Variants in ASIC2 observed in about 807,000 individuals in gnomAD.
The protein encoded by ASIC2 is acid-sensing ion channel 2.
ASIC2 carries 25 observed loss-of-function variants against 57.3 expected under a neutral mutation model. That is an observed-to-expected ratio of 0.44 (90% CI 0.32 to 0.61). The LOEUF is 0.61. Among genes scored for constraint, ASIC2 ranks in the 20% least tolerant of loss-of-function variants. The probability of loss-of-function intolerance (pLI) is 0.06; values close to 1 mark genes in which losing one functional copy is unlikely to be tolerated. For missense variants in ASIC2, 641 were observed against 738.1 expected, an observed-to-expected ratio of 0.87 and a Z score of 1.52; for synonymous variants, 319 against 307.5, an observed-to-expected ratio of 1.04 and a Z score of -0.39.
intron 1 of ASIC2, among the ~76,000 whole-genome samples, chr17:33,455,747 G>C (rs771842870): frequency 3.3e-5 from 5 of 152,214 alleles, no homozygotes; most frequent in African/African-American, 9.6e-5. Context: ...ACAGGTAAAT[G>C]GGGTTTCATT....
At chr17:33,016,065 G>T in intron 8 of ASIC2, 26 bp from the exon 9 acceptor site, 3 of 1,612,544 alleles carry the variant, frequency 1.9e-6, no homozygotes, top group South Asian at 1.1e-5. Flanking sequence ...GAAGGGGTTG[G>T]TCAGGCCGGG....
intron 1 of ASIC2, among the ~76,000 whole-genome samples, chr17:33,700,655 G>C (rs1459392851): frequency 2.6e-5 from 4 of 152,230 alleles, no homozygotes; most frequent in African/African-American, 9.6e-5. Flanking sequence ...TAGTAAGCAA[G>C]TAATAGATGT....
At chr17:33,282,127 G>A (rs1172413248) in intron 1 of ASIC2, among the ~76,000 whole-genome samples, 1 of 152,212 alleles carries the variant, frequency 6.6e-6, no homozygotes, top group African/African-American at 2.4e-5. Flanking sequence ...GTCTGTAATA[G>A]AAAGTGTTTT....
chr17:33,958,566 CT>C, intron 1 of ASIC2, among the ~76,000 whole-genome samples: 1 of 152,198 alleles, frequency 6.6e-6, no homozygotes, highest in East Asian at 1.9e-4. Context: ...ACCTTGGCTC[CT>C]TTTAACCATG....
intron 1 of ASIC2, among the ~76,000 whole-genome samples, chr17:33,248,624 C>T (rs894683465): frequency 1.3e-5 from 2 of 152,182 alleles, no homozygotes; most frequent in Non-Finnish European, 2.9e-5. Flanking sequence ...GTCCACACAC[C>T]CTCTGGAGGC....
At chr17:33,477,168 T>A (rs1597743297) in intron 1 of ASIC2, among the ~76,000 whole-genome samples, 3 of 152,170 alleles carry the variant, frequency 2.0e-5, no homozygotes, top group African/African-American at 7.2e-5. Flanking sequence ...CTTAAACATA[T>A]ATATACTCAG....
intron 1 of ASIC2, among the ~76,000 whole-genome samples, chr17:33,328,717 A>G (rs1167834084): frequency 6.6e-6 from 1 of 152,148 alleles, no homozygotes; most frequent in Non-Finnish European, 1.5e-5. Flanking sequence ...TGCAAGAAAA[A>G]TCAGGCCAAA....
intron 1 of ASIC2, among the ~76,000 whole-genome samples, chr17:33,988,836 G>T (rs1905912041): frequency 6.6e-6 from 1 of 151,986 alleles, no homozygotes; most frequent in Non-Finnish European, 1.5e-5. Context: ...GACAGTGACT[G>T]GTTGGGAGCA....
At chr17:33,032,180 C>A (rs2091886216) in intron 3 of ASIC2, among the ~76,000 whole-genome samples, 1 of 152,078 alleles carries the variant, frequency 6.6e-6, no homozygotes, top group Non-Finnish European at 1.5e-5. Context: ...ATTTCTAGTT[C>A]TCCTTTTGTT....
chr17:33,604,503 C>A (rs903113378), intron 1 of ASIC2, among the ~76,000 whole-genome samples: 6 of 152,072 alleles, frequency 3.9e-5, no homozygotes, highest in Admixed American at 3.9e-4. Context: ...ATGTGCACAA[C>A]GGTGGCATGG....
At chr17:33,988,613 C>T (rs1056877860) in intron 1 of ASIC2, among the ~76,000 whole-genome samples, 1 of 151,964 alleles carries the variant, frequency 6.6e-6, no homozygotes, top group Non-Finnish European at 1.5e-5. Flanking sequence ...TAAGTTGCTC[C>T]CATTCCTCTT....
chr17:34,142,045 C>T (rs1322022220), intron 1 of ASIC2, among the ~76,000 whole-genome samples: 2 of 152,098 alleles, frequency 1.3e-5, no homozygotes, highest in African/African-American at 4.8e-5. Flanking sequence ...AGCTAACAGG[C>T]CCGGGGGAAT....
At chr17:33,293,299 C>CGGGCG (rs1905584419), upstream of ASIC2, among the ~76,000 whole-genome samples, 4 of 152,034 alleles carry the variant, frequency 2.6e-5, no homozygotes, top group South Asian at 8.3e-4. Context: ...CGGCTCCGGG[C>CGGGCG]GGGCGGGGCG....
intron 1 of ASIC2, among the ~76,000 whole-genome samples, chr17:33,278,065 T>C (rs1458596194): frequency 6.6e-6 from 1 of 152,162 alleles, no homozygotes; most frequent in Non-Finnish European, 1.5e-5. Flanking sequence ...TGGAATCCTT[T>C]TTCGGATCCC....
intron 1 of ASIC2, among the ~76,000 whole-genome samples, chr17:33,255,901 A>G (rs1909049475): frequency 6.6e-6 from 1 of 152,192 alleles, no homozygotes; most frequent in East Asian, 1.9e-4. Flanking sequence ...GCTACAAATA[A>G]TGGGACAAAG....
intron 1 of ASIC2, among the ~76,000 whole-genome samples, chr17:33,731,179 G>A (rs113053933): frequency 8.5e-5 from 13 of 152,332 alleles, no homozygotes; most frequent in Admixed American, 2.0e-4. Flanking sequence ...GATGCTTCAG[G>A]TGTGGGGAAA....
At chr17:33,835,119 C>A (rs1913237498) in intron 1 of ASIC2, among the ~76,000 whole-genome samples, 1 of 152,150 alleles carries the variant, frequency 6.6e-6, no homozygotes, top group Non-Finnish European at 1.5e-5. Context: ...GGATCCCCAA[C>A]TTTTTGACCT....
chr17:33,955,087 T>C (rs1904693479), intron 1 of ASIC2: 1 of 152,206 alleles, frequency 6.6e-6, no homozygotes, highest in Non-Finnish European at 1.5e-5. Context: ...ATTTTTGCCA[T>C]TTTACAGATA....
intron 1 of ASIC2, among the ~76,000 whole-genome samples, chr17:33,365,882 C>T (rs1908790373): frequency 6.6e-6 from 1 of 152,174 alleles, no homozygotes; most frequent in Non-Finnish European, 1.5e-5. Context: ...GGAACATGGA[C>T]ATTGGCAAGG....
Sources: allele counts gnomAD v4.1 joint callset (sites outside exome capture counted in the v4.1 genomes callset), GRCh38; gene constraint gnomAD v4.1.1; transcripts MANE v1.5; gene names NCBI Gene and HGNC (gene_info 2026-07-23, HGNC 2026-07-21).